DSCAM: variants seen among roughly 807,000 people sequenced by gnomAD.
DSCAM encodes cell adhesion molecule DSCAM.
In DSCAM, 47 loss-of-function variants were observed where a neutral mutation model predicts 217.7. The observed-to-expected ratio is 0.22, with a 90% confidence interval of 0.17 to 0.28. The LOEUF (loss-of-function observed/expected upper bound fraction) is 0.28, where lower values mean the gene tolerates loss of function less well. Among genes scored for constraint, DSCAM ranks in the 10% least tolerant of loss-of-function variants. The probability of loss-of-function intolerance (pLI) is 1.00; values close to 1 mark genes in which losing one functional copy is unlikely to be tolerated. For synonymous variants in DSCAM, 1,056 were observed against 1,015.3 expected (o/e 1.04, Z -0.76); for missense variants, 2,080 against 2,618.3 (o/e 0.79, Z 4.49).
chr21:40,220,820 C>T (rs2091283314), intron 11 of DSCAM, among the ~76,000 whole-genome samples: 1 of 152,146 alleles, frequency 6.6e-6, no homozygotes, highest in Admixed American at 6.5e-5. Context: ...AGCAGGCTCA[C>T]CCTAGCACCC....
At chr21:40,226,366 A>C (rs2091332881) in intron 11 of DSCAM, among the ~76,000 whole-genome samples, 1 of 152,260 alleles carries the variant, frequency 6.6e-6, no homozygotes, top group Non-Finnish European at 1.5e-5. Context: ...GGATTGAAAC[A>C]GAAATTTCTC....
At chr21:40,675,201 A>G (rs1256120297) in intron 3 of DSCAM, among the ~76,000 whole-genome samples, 2 of 152,174 alleles carry the variant, frequency 1.3e-5, no homozygotes, top group Non-Finnish European at 2.9e-5. Flanking sequence ...ACTGTATAAA[A>G]TATTTGCCCC....
At chr21:40,661,527 C>T (rs563626962) in intron 3 of DSCAM, among the ~76,000 whole-genome samples, 53 of 152,284 alleles carry the variant, frequency 3.5e-4, no homozygotes, top group Middle Eastern at 3.4e-3. Flanking sequence ...GACAACATCC[C>T]TATTTGAAAG....
chr21:40,048,787 T>TAAAC (rs1027365841), intron 30 of DSCAM, among the ~76,000 whole-genome samples: 4 of 152,168 alleles, frequency 2.6e-5, no homozygotes, highest in African/African-American at 4.8e-5. Context: ...CACAGAGGTA[T>TAAAC]AAACACCTGG....
At chr21:40,834,182 G>C (rs2092035692) in intron 1 of DSCAM, among the ~76,000 whole-genome samples, 1 of 151,942 alleles carries the variant, frequency 6.6e-6, no homozygotes, top group East Asian at 1.9e-4. Flanking sequence ...GCCGAGGCGG[G>C]CGGATCACGA....
chr21:40,122,774 G>C (rs940359223), intron 20 of DSCAM, among the ~76,000 whole-genome samples: 1 of 152,186 alleles, frequency 6.6e-6, no homozygotes, highest in African/African-American at 2.4e-5. Context: ...TGCATAAGCA[G>C]TAGAGAACAC....
intron 3 of DSCAM, among the ~76,000 whole-genome samples, chr21:40,584,533 C>A (rs2076929527): frequency 6.6e-6 from 1 of 152,092 alleles, no homozygotes; most frequent in Non-Finnish European, 1.5e-5. Context: ...TGGCGATGTG[C>A]GGAGAGCTGC....
rs561765405 is a variant in DSCAM at position 40,634,420 on chromosome 21, G to A, written c.508+58390C>T. On this transcript the variant is annotated intron_variant, in intron 3 of 32. Coordinates refer to ENST00000400454, the MANE Select transcript of DSCAM (RefSeq NM_001389.5). ...CTACCAAGGCTTCTACCAGCATGCA[G>A]TGGTACTACACTCCCACTTGTGCAC... is the stretch of plus-strand genomic sequence containing the variant. 5.9e-5 allele frequency among the ~76,000 whole-genome samples: 9 copies of A among 152,290 alleles called. No individual in the cohort carries two copies. The East Asian group carries it at 1.4e-3, about 23-fold the overall frequency.
rs774902227 is a variant in DSCAM at position 40,044,371 on chromosome 21, G to A, written c.5186-96C>T. ...TCAGTGCCACCCACCCAGCACTGCC[G>A]ACTCGCCCACGCCCTCCAGGAAAAC... On this transcript the variant is annotated intron_variant, in intron 30 of 32. Coordinates refer to ENST00000400454, the MANE Select transcript of DSCAM (RefSeq NM_001389.5). 9.3e-5 allele frequency: 118 copies of A among 1,273,524 alleles called. 1 individual carries two copies. Among genetic ancestry groups the A allele is most frequent in the South Asian group, 4.1e-4 (28 of 68,842 alleles). 78.9% of individuals were successfully genotyped at this position (1,273,524 alleles called of 1,614,324 possible).
chr21:40,717,120 C>T (rs1475025929), intron 1 of DSCAM, among the ~76,000 whole-genome samples: 4 of 152,128 alleles, frequency 2.6e-5, no homozygotes, highest in South Asian at 2.1e-4. Context: ...AAGTGTTGCA[C>T]GATTAGGAGA....
chr21:40,747,256 G>T (rs887531500), intron 1 of DSCAM, among the ~76,000 whole-genome samples: 2 of 144,418 alleles, frequency 1.4e-5, no homozygotes, highest in Non-Finnish European at 1.5e-5. Flanking sequence ...CAATACAAAA[G>T]ATCAAGAAAA....
At chr21:40,118,526 G>A (rs1231450107) in intron 20 of DSCAM, among the ~76,000 whole-genome samples, 2 of 152,168 alleles carry the variant, frequency 1.3e-5, no homozygotes, top group Non-Finnish European at 2.9e-5. Context: ...GGTGGAGGTT[G>A]CAGTGAGCCG....
At chr21:40,463,898 C>A (rs973766942) in intron 3 of DSCAM, among the ~76,000 whole-genome samples, 5 of 152,118 alleles carry the variant, frequency 3.3e-5, no homozygotes, top group South Asian at 2.1e-4. Context: ...TGAGCACCTC[C>A]TTTTCTGAAA....
intron 27 of DSCAM, among the ~76,000 whole-genome samples, chr21:40,069,363 C>A (rs1234248950): frequency 6.6e-6 from 1 of 152,164 alleles, no homozygotes; most frequent in African/African-American, 2.4e-5. Flanking sequence ...TAGACCACAG[C>A]TTGCATCCTG....
intron 3 of DSCAM, among the ~76,000 whole-genome samples, chr21:40,581,613 G>T (rs1032450038): frequency 6.6e-6 from 1 of 152,134 alleles, no homozygotes; most frequent in African/African-American, 2.4e-5. Flanking sequence ...TGTGAGGTCA[G>T]CATTGACATT....
intron 3 of DSCAM, among the ~76,000 whole-genome samples, chr21:40,507,764 C>G (rs1400421922): frequency 6.6e-6 from 1 of 152,096 alleles, no homozygotes; most frequent in Non-Finnish European, 1.5e-5. Context: ...GCCTGGGTGA[C>G]AGAGCACAGC....
chr21:40,563,600 A>ATATATGTT (rs57307856), intron 3 of DSCAM, among the ~76,000 whole-genome samples: 9,007 of 85,236 alleles, frequency 0.11, 413 homozygotes, highest in South Asian at 0.26. Flanking sequence ...TTTATATGTT[A>ATATATGTT]TATATATGTT....
intron 10 of DSCAM, among the ~76,000 whole-genome samples, chr21:40,289,912 AG>A (rs1488021434): frequency 6.6e-6 from 1 of 152,244 alleles, no homozygotes; most frequent in Non-Finnish European, 1.5e-5. Flanking sequence ...TTGTCTATAA[AG>A]CCATGGCTGA....
chr21:40,528,778 C>T (rs2076419832), intron 3 of DSCAM, among the ~76,000 whole-genome samples: 1 of 152,056 alleles, frequency 6.6e-6, no homozygotes, highest in African/African-American at 2.4e-5. Context: ...ATTGTCTCTG[C>T]TTTCAGAATC....
Sources: allele counts gnomAD v4.1 joint callset (sites outside exome capture counted in the v4.1 genomes callset), GRCh38; gene constraint gnomAD v4.1.1; transcripts MANE v1.5; gene names NCBI Gene and HGNC (gene_info 2026-07-23, HGNC 2026-07-21).